The following PDGFD variants were observed in gnomAD, a reference collection of about 807,000 sequenced individuals.
PDGFD encodes the protein platelet-derived growth factor D.
A neutral mutation model predicts 44.7 loss-of-function variants in PDGFD; 30 were observed. The observed-to-expected ratio is 0.67, with a 90% CI of 0.50 to 0.91. The LOEUF (loss-of-function observed/expected upper bound fraction) is 0.91. Ranked by LOEUF, PDGFD falls within the 40% of genes least tolerant of loss-of-function variation. PDGFD has a pLI of 0.00. For synonymous variants in PDGFD, 173 were observed against 168.4 expected, an observed-to-expected ratio of 1.03 and a Z score of -0.21; for missense variants, 445 against 457.8, an observed-to-expected ratio of 0.97 and a Z score of 0.25.
chr11:104,055,752 A>T (rs979965946), intron 1 of PDGFD, among the ~76,000 whole-genome samples: 1 of 152,190 alleles, frequency 6.6e-6, no homozygotes, highest in African/African-American at 2.4e-5. Flanking sequence ...GGTGCCAACT[A>T]TAGTGATCTA....
chr11:104,052,667 AG>A (rs1050482816), intron 1 of PDGFD, among the ~76,000 whole-genome samples: 1 of 152,114 alleles, frequency 6.6e-6, no homozygotes, highest in African/African-American at 2.4e-5. Flanking sequence ...ACATGAGCAG[AG>A]GTAGTTGTTT....
chr11:104,051,130 C>A (rs763852637), intron 1 of PDGFD, among the ~76,000 whole-genome samples: 1 of 152,082 alleles, frequency 6.6e-6, no homozygotes, highest in Non-Finnish European at 1.5e-5. Context: ...ATGATGAAAA[C>A]CATTGTCATT....
intron 3 of PDGFD, among the ~76,000 whole-genome samples, chr11:103,994,808 T>C (rs1859511572): frequency 6.6e-6 from 1 of 152,036 alleles, no homozygotes; most frequent in South Asian, 2.1e-4. Context: ...ATTATCCAAA[T>C]GTCTCTGTGG....
At chr11:104,024,469 T>G (rs1201757118) in intron 1 of PDGFD, among the ~76,000 whole-genome samples, 1 of 152,194 alleles carries the variant, frequency 6.6e-6, no homozygotes, top group East Asian at 1.9e-4. Flanking sequence ...ACATAATGTT[T>G]CCCTCAATGA....
intron 3 of PDGFD, among the ~76,000 whole-genome samples, chr11:103,979,499 A>G (rs1859234303): frequency 1.3e-5 from 2 of 152,094 alleles, no homozygotes; most frequent in Admixed American, 1.3e-4. Context: ...GAGGTTTCAC[A>G]TTTTATTTGT....
At chr11:104,039,651 T>C (rs1860315120) in intron 1 of PDGFD, among the ~76,000 whole-genome samples, 1 of 152,142 alleles carries the variant, frequency 6.6e-6, no homozygotes, top group African/African-American at 2.4e-5. Context: ...TTTCCTACTT[T>C]TGTTTGTAAT....
Position 103,907,605 on chromosome 11 carries a change from C to T in PDGFD, c.*2089G>A, listed in dbSNP as rs762209478. The T allele has an allele frequency of 2.0e-5, 3 of 152,172 alleles. No homozygotes were observed. Among genetic ancestry groups the T allele is most frequent in the South Asian group, 2.1e-4 (1 of 4,832 alleles). 9.4% of individuals were successfully genotyped at this position (152,172 alleles called of 1,614,324 possible). A position where few individuals can be genotyped will look rare whatever the true frequency, so the allele number is the denominator to read the frequency against. Reference sequence around the variant, plus strand: ...TAATAAATAAAAAGTGCAGATAGGGCTTTAACTGAAAACCTTGCTGGTTAT... The same window carrying T: ...TAATAAATAAAAAGTGCAGATAGGGTTTTAACTGAAAACCTTGCTGGTTAT... On this transcript the variant is annotated 3_prime_UTR_variant, in exon 7 of 7. Coordinates refer to ENST00000393158, the MANE Select transcript of PDGFD (RefSeq NM_025208.5).
At chr11:104,031,445 C>T (rs189910364) in intron 1 of PDGFD, among the ~76,000 whole-genome samples, 35 of 152,290 alleles carry the variant, frequency 2.3e-4, no homozygotes, top group African/African-American at 8.4e-4. Flanking sequence ...TAATGAGATA[C>T]AATCTAATAC....
intron 1 of PDGFD, among the ~76,000 whole-genome samples, chr11:104,002,570 T>C (rs1217306064): frequency 1.3e-5 from 2 of 152,210 alleles, no homozygotes; most frequent in Non-Finnish European, 2.9e-5. Context: ...CAGTCTCAGG[T>C]AGTTCTTTAT....
At chr11:104,098,489 T>C (rs1861317660) in intron 1 of PDGFD, among the ~76,000 whole-genome samples, 1 of 145,650 alleles carries the variant, frequency 6.9e-6, no homozygotes, top group Non-Finnish European at 1.5e-5. Flanking sequence ...AGAGGGGAAA[T>C]ATTTTCCTTC....
chr11:104,085,647 T>C (rs1861118808), intron 1 of PDGFD, among the ~76,000 whole-genome samples: 1 of 152,182 alleles, frequency 6.6e-6, no homozygotes, highest in South Asian at 2.1e-4. Flanking sequence ...CATAATTTTA[T>C]GAAAAATACT....
rs756234257 is a variant in PDGFD, at chr11:104,037,599, T to C, written c.125-37344A>G. The C allele has an allele frequency of 1.9e-6, 3 of 1,614,084 alleles. No individual in the cohort carries two copies. In the South Asian group the frequency reaches 3.3e-5, roughly 18 times the overall value. On this transcript the variant is annotated intron_variant, in intron 1 of 6. Coordinates refer to ENST00000393158, the MANE Select transcript of PDGFD (RefSeq NM_025208.5). ...ATGGGCATCCTTTGAAGGCTTTTGTTGACTCGGGCGCCCAGATGACCATTA... is the reference window on the plus strand; with the variant it reads ...ATGGGCATCCTTTGAAGGCTTTTGTCGACTCGGGCGCCCAGATGACCATTA...
chr11:103,960,372 C>A (rs191087936), intron 3 of PDGFD, among the ~76,000 whole-genome samples: 3 of 152,232 alleles, frequency 2.0e-5, no homozygotes, highest in Non-Finnish European at 4.4e-5. Context: ...AGGCCTCATG[C>A]CTCACACTTA....
intron 5 of PDGFD, among the ~76,000 whole-genome samples, chr11:103,932,298 C>T (rs1039280739): frequency 6.6e-6 from 1 of 152,076 alleles, no homozygotes; most frequent in African/African-American, 2.4e-5. Flanking sequence ...ATTATATGAG[C>T]TATTAAACCT....
intron 1 of PDGFD, among the ~76,000 whole-genome samples, chr11:104,074,202 C>T (rs1292737183): frequency 6.6e-6 from 1 of 152,206 alleles, no homozygotes; most frequent in African/African-American, 2.4e-5. Context: ...CCAGTGGCCA[C>T]AGACACTTGC....
chr11:104,072,581 A>C (rs1860896938), intron 1 of PDGFD, among the ~76,000 whole-genome samples: 1 of 151,958 alleles, frequency 6.6e-6, no homozygotes, highest in Admixed American at 6.6e-5. Context: ...TTCAAATTAC[A>C]TTAAAGGAAA....
intron 1 of PDGFD, among the ~76,000 whole-genome samples, chr11:104,122,878 A>G (rs1427009239): frequency 6.6e-6 from 1 of 152,026 alleles, no homozygotes; most frequent in Non-Finnish European, 1.5e-5. Context: ...AAAAAGATAG[A>G]TAGAAAGAAA....
intron 1 of PDGFD, among the ~76,000 whole-genome samples, chr11:104,019,203 T>G (rs183602648): frequency 6.6e-6 from 1 of 152,212 alleles, no homozygotes; most frequent in Non-Finnish European, 1.5e-5. Flanking sequence ...AAGGATTATA[T>G]TTATCTTGTT....
intron 1 of PDGFD, among the ~76,000 whole-genome samples, chr11:104,161,302 C>T (rs1314562992): frequency 2.0e-5 from 3 of 152,144 alleles, no homozygotes; most frequent in African/African-American, 7.2e-5. Context: ...AAGCTTTTAT[C>T]ATGTCTTAAT....
Sources: allele counts gnomAD v4.1 joint callset (sites outside exome capture counted in the v4.1 genomes callset), GRCh38; gene constraint gnomAD v4.1.1; transcripts MANE v1.5; gene names NCBI Gene and HGNC (gene_info 2026-07-23, HGNC 2026-07-21).